The following CNKSR2 variants were observed in gnomAD, a reference collection of about 807,000 sequenced individuals.
CNKSR2 encodes the protein connector enhancer of kinase suppressor of Ras 2, also known as CNK homolog protein 2.
Under a neutral mutation model 84.4 loss-of-function variants are expected in CNKSR2, and 14 were observed. The observed-to-expected ratio is 0.17, with a 90% CI of 0.11 to 0.26. The LOEUF is 0.26. Ranked by LOEUF, CNKSR2 falls within the 10% of genes least tolerant of loss-of-function variation. The pLI is 1.00. For missense variants in CNKSR2, 485 were observed against 771.2 expected (o/e 0.63, Z 4.40); for synonymous variants, 275 against 277.9 (o/e 0.99, Z 0.10).
At chrX:21,574,045 AG>A (rs1223096745) in intron 13 of CNKSR2, among the ~76,000 whole-genome samples, 1 of 111,478 alleles carries the variant, frequency 9.0e-6, no homozygotes, top group Non-Finnish European at 1.9e-5. Context: ...ACAGATCTCT[AG>A]GGCAGGGGAA....
intron 10 of CNKSR2, 63 bp from the exon 11 acceptor site, chrX:21,531,793 C>A: frequency 1.3e-6 from 1 of 743,976 alleles, no homozygotes; most frequent in South Asian, 2.6e-5. Flanking sequence ...TATTTTAGAC[C>A]CTCGGCCATT....
At chrX:21,490,084 A>G (rs749290345) in intron 5 of CNKSR2, among the ~76,000 whole-genome samples, 2 of 111,635 alleles carry the variant, frequency 1.8e-5, no homozygotes, top group Non-Finnish European at 3.8e-5. Context: ...TTTTCTGACC[A>G]TGAATTAAAA....
intron 21 of CNKSR2, among the ~76,000 whole-genome samples, chrX:21,651,970 C>A (rs1486744635): frequency 8.9e-6 from 1 of 112,095 alleles, no homozygotes; most frequent in Non-Finnish European, 1.9e-5. Context: ...AGTAAAGGGG[C>A]ATAAATGAGG....
chrX:21,439,107 A>G (rs1033754091), intron 3 of CNKSR2, among the ~76,000 whole-genome samples: 1 of 111,725 alleles, frequency 9.0e-6, no homozygotes. Flanking sequence ...AGAGCACTTC[A>G]TCCAACAACA....
chrX:21,567,363 G>A lies in CNKSR2; in HGVS notation c.1608+3911G>A, dbSNP rs192512515. 2.7e-5 allele frequency among the ~76,000 whole-genome samples: 3 copies of A among 111,928 alleles called. No individual in the cohort carries two copies. In the East Asian group the frequency reaches 8.4e-4, roughly 31 times the overall value. On this transcript the variant is annotated intron_variant, in intron 13 of 21. Transcript: ENST00000379510. ...TATTTCAGCACCTAGTACAAATGTA[G>A]TACCTTATAAGCTCTCAATAAAAAT...
At chrX:21,550,944 G>A (rs1006548772) in intron 11 of CNKSR2, among the ~76,000 whole-genome samples, 1 of 108,357 alleles carries the variant, frequency 9.2e-6, no homozygotes, top group African/African-American at 3.4e-5. Context: ...ACTGAGACGG[G>A]AGAATCACTT....
intron 5 of CNKSR2, among the ~76,000 whole-genome samples, chrX:21,483,304 A>T (rs1369081270): frequency 9.0e-6 from 1 of 110,747 alleles, no homozygotes; most frequent in Non-Finnish European, 1.9e-5. Flanking sequence ...TTCTCAGCAA[A>T]CTATCACAAG....
At chrX:21,426,344 A>G (rs1020509850) in intron 1 of CNKSR2, 153 bp from the exon 2 acceptor site, 4 of 453,504 alleles carry the variant, frequency 8.8e-6, no homozygotes, top group Non-Finnish European at 1.5e-5. Context: ...GCCCATATGT[A>G]GGTTAAGAAA....
At position 21,539,365 on chromosome X, in the gene CNKSR2, G is replaced by A. The variant is rs778737705; in HGVS notation, c.1303+7298G>A. ...AGATTTTTGTTTGGTTCTTTTATAT[G>A]ATATCTATTTTTGTTGAATTTCTCA... On this transcript the variant is annotated intron_variant, in intron 11 of 21. Transcript: ENST00000379510. 6.3e-5 allele frequency among the ~76,000 whole-genome samples: 7 copies of A among 111,071 alleles called. No homozygotes were observed. In the South Asian group the frequency reaches 2.6e-3, roughly 42 times the overall value.
chrX:21,375,038 CG>C (rs1438222378), intron 1 of CNKSR2, 77 bp downstream of exon 1: 1 of 858,984 alleles, frequency 1.2e-6, no homozygotes, highest in Admixed American at 2.2e-5. Flanking sequence ...GGGCGCCCGC[CG>C]CGCCAGAGCC....
chrX:21,422,865 T>C (rs188224387), intron 1 of CNKSR2, among the ~76,000 whole-genome samples: 35 of 111,666 alleles, frequency 3.1e-4, no homozygotes, highest in Non-Finnish European at 3.8e-4. Flanking sequence ...TATGTATCAA[T>C]TTAAGAAAAG....
chrX:21,484,851 T>A (rs1055969135), intron 5 of CNKSR2, among the ~76,000 whole-genome samples: 5 of 111,795 alleles, frequency 4.5e-5, no homozygotes, highest in Non-Finnish European at 9.4e-5. Context: ...TTTTTACCAC[T>A]GTTTGCACTT....
intron 13 of CNKSR2, among the ~76,000 whole-genome samples, chrX:21,581,309 AG>A (rs938640965): frequency 8.9e-6 from 1 of 111,971 alleles, no homozygotes; most frequent in Non-Finnish European, 1.9e-5. Flanking sequence ...GAGGAAATTG[AG>A]GTCAAGAGTA....
chrX:21,567,287 C>G (rs2092247143), intron 13 of CNKSR2, among the ~76,000 whole-genome samples: 1 of 112,028 alleles, frequency 8.9e-6, no homozygotes, highest in Non-Finnish European at 1.9e-5. Context: ...ACAGGTATGC[C>G]TATGTTCATG....
chrX:21,626,393 A>G (rs953623106), intron 20 of CNKSR2, among the ~76,000 whole-genome samples: 1 of 111,728 alleles, frequency 9.0e-6, no homozygotes, highest in African/African-American at 3.3e-5. Context: ...GTCCTAACAT[A>G]CCATGTTTAG....
At chrX:21,507,825 A>G (rs1039950779) in intron 8 of CNKSR2, among the ~76,000 whole-genome samples, 1 of 111,898 alleles carries the variant, frequency 8.9e-6, no homozygotes, top group Admixed American at 9.5e-5. Flanking sequence ...CCACAAAATT[A>G]TTATAAATGG....
intron 11 of CNKSR2, among the ~76,000 whole-genome samples, chrX:21,545,702 G>C (rs773194795): frequency 8.9e-6 from 1 of 112,094 alleles, no homozygotes; most frequent in Admixed American, 9.3e-5. Flanking sequence ...GCCCCTCTGG[G>C]ATGAAGCTTC....
At chrX:21,426,273 A>C in intron 1 of CNKSR2, 2 of 362,431 alleles carry the variant, frequency 5.5e-6, no homozygotes, top group Middle Eastern at 7.5e-4. Context: ...CGTGCTGAGG[A>C]AAATTCAACT....
intron 13 of CNKSR2, among the ~76,000 whole-genome samples, chrX:21,577,890 A>T (rs2092329045): frequency 9.0e-6 from 1 of 111,360 alleles, no homozygotes; most frequent in African/African-American, 3.3e-5. Flanking sequence ...TATGTACTAA[A>T]ATTATCCAAA....
Sources: gnomAD v4.1 joint callset for allele counts (sites outside exome capture counted in the v4.1 genomes callset) on GRCh38, gnomAD v4.1.1 for gene constraint, MANE v1.5 for transcripts, NCBI Gene and HGNC (gene_info 2026-07-23, HGNC 2026-07-21) for gene names.